Variants in LARS1 observed in about 807,000 individuals in gnomAD.
LARS1 encodes the protein leucine--tRNA ligase, cytoplasmic.
LARS1 carries 100 observed loss-of-function variants against 162.8 expected under a neutral mutation model. The observed-to-expected ratio is 0.61, with a 90% CI of 0.52 to 0.73. LARS1 has a LOEUF of 0.73. LARS1 is among the 30% of genes least tolerant of loss of function. The pLI is 0.00. For missense variants in LARS1, 1,258 were observed against 1,408.9 expected (o/e 0.89, Z 1.71); for synonymous variants, 457 against 462.8 (o/e 0.99, Z 0.16).
In LARS1 at chr5:146,123,216, A is replaced by G. The variant is rs559159461; in HGVS notation, c.3097-629T>C. 9.9e-5 allele frequency among the ~76,000 whole-genome samples: 15 copies of G among 151,766 alleles called. No individual in the cohort carries two copies. In the South Asian group the frequency reaches 2.3e-3, roughly 23 times the overall value. ...AATTTTACTTAAATTCCAAACCTAT[A>G]TTTTTTTTACTTGAGTGTCTTCATT... is the stretch of plus-strand genomic sequence containing the variant. On this transcript the variant is annotated intron_variant, in intron 29 of 31. Coordinates refer to ENST00000394434, the MANE Select transcript of LARS1 (RefSeq NM_020117.11).
At chr5:146,117,390 A>C (rs1751603592) in intron 31 of LARS1, among the ~76,000 whole-genome samples, 1 of 152,200 alleles carries the variant, frequency 6.6e-6, no homozygotes, top group Non-Finnish European at 1.5e-5. Context: ...CAGGCAGATC[A>C]CTTGAGGCCA....
chr5:146,142,663 T>A, intron 20 of LARS1: 1 of 500,444 alleles, frequency 2.0e-6, no homozygotes, highest in Non-Finnish European at 3.5e-6. Context: ...AGATATGACA[T>A]GCTTTGGTGC....
At chr5:146,164,212 G>A in intron 6 of LARS1, 98 bp downstream of exon 6, 2 of 1,250,642 alleles carry the variant, frequency 1.6e-6, no homozygotes, top group Non-Finnish European at 2.3e-6. Context: ...ATCTTCAATT[G>A]TAAAAAAAAT....
intron 7 of LARS1, 136 bp from the exon 8 acceptor site, chr5:146,159,606 G>A (rs1162766285): frequency 1.6e-6 from 1 of 636,106 alleles, no homozygotes; most frequent in East Asian, 2.8e-5. Context: ...TCTATTATGT[G>A]TACTCTTATG....
intron 31 of LARS1, 111 bp from the exon 32 acceptor site, chr5:146,114,422 T>G (rs1764108883): frequency 2.4e-6 from 2 of 842,450 alleles, no homozygotes; most frequent in East Asian, 2.7e-5. Context: ...TAAACAAAAA[T>G]ATTTTCTTCA....
chr5:146,178,185 A>C (rs1754682673), intron 1 of LARS1, among the ~76,000 whole-genome samples: 1 of 152,194 alleles, frequency 6.6e-6, no homozygotes, highest in Non-Finnish European at 1.5e-5. Flanking sequence ...AAAGGCTTTG[A>C]TATGCTTTTT....
intron 4 of LARS1, 42 bp downstream of exon 4, chr5:146,171,868 C>T: frequency 6.8e-7 from 1 of 1,460,636 alleles, no homozygotes; most frequent in Non-Finnish European, 9.5e-7. Flanking sequence ...ACTATTTGCT[C>T]CAACTAAAAA....
chr5:146,161,256 C>T (rs576127610), intron 6 of LARS1, among the ~76,000 whole-genome samples: 1 of 152,254 alleles, frequency 6.6e-6, no homozygotes, highest in East Asian at 1.9e-4. Context: ...AGAGTCTTGC[C>T]TCGATGACGG....
chr5:146,120,378 T>C lies in LARS1; in HGVS notation c.3318A>G (p.Gly1106=). Residue 1106 remains glycine, a synonymous_variant, in exon 31 of 32, where the codon GGA becomes GGG. Coordinates refer to ENST00000394434, the MANE Select transcript of LARS1 (RefSeq NM_020117.11). ...TTTTGGGGAACAACTTACCTTTAAT[T>C]CCTCGATTCATTTTCATTAAACGCC... ...IIRRLMKMNR[G]IKDLSKVKLM... 6.2e-7 allele frequency: 1 copy of C among 1,613,096 alleles called. No individual in the cohort carries two copies. Among genetic ancestry groups the C allele is most frequent in the Non-Finnish European group, 8.5e-7 (1 of 1,179,278 alleles).
intron 5 of LARS1, among the ~76,000 whole-genome samples, chr5:146,165,350 C>A (rs1207624465): frequency 6.6e-6 from 1 of 151,226 alleles, no homozygotes. Flanking sequence ...ACAACAACAA[C>A]AATAATAAAA....
At chr5:146,121,005 A>G (rs1751796723) in intron 30 of LARS1, among the ~76,000 whole-genome samples, 1 of 152,178 alleles carries the variant, frequency 6.6e-6, no homozygotes, top group Non-Finnish European at 1.5e-5. Flanking sequence ...ATTATTTTTA[A>G]GTGGAAAAAA....
At chr5:146,165,542 A>C (rs551709400) in intron 5 of LARS1, among the ~76,000 whole-genome samples, 9 of 152,236 alleles carry the variant, frequency 5.9e-5, no homozygotes, top group East Asian at 3.9e-4. Context: ...AAAAAAACAA[A>C]AAAAAAAGTA....
At chr5:146,163,727 A>G (rs983673432) in intron 6 of LARS1, among the ~76,000 whole-genome samples, 6 of 152,266 alleles carry the variant, frequency 3.9e-5, no homozygotes, top group South Asian at 2.1e-4. Flanking sequence ...TTGCATTCAT[A>G]ACTTGGCTGA....
chr5:146,137,289 G>A (rs773185487), intron 21 of LARS1, among the ~76,000 whole-genome samples: 16 of 152,096 alleles, frequency 1.1e-4, no homozygotes, highest in Non-Finnish European at 2.1e-4. Context: ...TTCACTGGTT[G>A]TAACAAATCT....
At chr5:146,117,468 G>A (rs1186558013) in intron 31 of LARS1, among the ~76,000 whole-genome samples, 1 of 152,172 alleles carries the variant, frequency 6.6e-6, no homozygotes, top group African/African-American at 2.4e-5. Context: ...AAATTAGCCA[G>A]GTGTGGTGGC....
chr5:146,128,878 C>T (rs557278740), intron 26 of LARS1, 96 bp from the exon 27 acceptor site: 35 of 1,421,720 alleles, frequency 2.5e-5, no homozygotes, highest in Non-Finnish European at 3.4e-5. Context: ...CGGTCTTCAC[C>T]ATTAATGAAA....
At chr5:146,128,876 A>G in intron 26 of LARS1, 94 bp from the exon 27 acceptor site, 1 of 1,418,348 alleles carries the variant, frequency 7.1e-7, no homozygotes, top group Admixed American at 2.2e-5. Flanking sequence ...CACGGTCTTC[A>G]CCATTAATGA....
chr5:146,179,344 T>G (rs1005249533), intron 1 of LARS1, among the ~76,000 whole-genome samples: 1 of 152,070 alleles, frequency 6.6e-6, no homozygotes, highest in African/African-American at 2.4e-5. Context: ...GTATTTTTAG[T>G]AGAGACGAGG....
At chr5:146,160,274 A>C in intron 7 of LARS1, 100 bp downstream of exon 7, 1 of 571,254 alleles carries the variant, frequency 1.8e-6, no homozygotes, top group Middle Eastern at 3.7e-4. Flanking sequence ...GGCCTCAAGC[A>C]ATCCCCTCAC....
Sources: gnomAD v4.1 joint callset for allele counts (sites outside exome capture counted in the v4.1 genomes callset) on GRCh38, gnomAD v4.1.1 for gene constraint, MANE v1.5 for transcripts, NCBI Gene and HGNC (gene_info 2026-07-23, HGNC 2026-07-21) for gene names.